The following ADGRV1 variants were observed in gnomAD, a reference collection of about 807,000 sequenced individuals.
The protein encoded by ADGRV1 is G-protein coupled receptor 98.
A neutral mutation model predicts 596.2 loss-of-function variants in ADGRV1; 359 were observed. The ratio of observed to expected loss-of-function variants is 0.60; its 90% CI spans 0.55 to 0.66. ADGRV1 has a LOEUF of 0.66. Ranked by LOEUF, ADGRV1 falls within the 30% of genes least tolerant of loss-of-function variation. ADGRV1 has a pLI of 0.00. For synonymous variants in ADGRV1, 2,681 were observed against 2,679.2 expected (o/e 1.00, Z -0.02); for missense variants, 7,274 against 7,575.6 (o/e 0.96, Z 1.48).
At chr5:90,817,582 A>C (rs1480773794) in intron 75 of ADGRV1, among the ~76,000 whole-genome samples, 2 of 151,798 alleles carry the variant, frequency 1.3e-5, no homozygotes. Flanking sequence ...TCTTGAATTG[A>C]TTTTTGTGTA....
intron 83 of ADGRV1, among the ~76,000 whole-genome samples, chr5:90,928,929 C>T (rs1270450051): frequency 1.4e-5 from 2 of 145,788 alleles, no homozygotes; most frequent in East Asian, 2.0e-4. Flanking sequence ...GGGGTGCCTC[C>T]CAGTTAGGCT....
chr5:90,728,425 CTT>C (rs969609028), intron 48 of ADGRV1, among the ~76,000 whole-genome samples: 1 of 152,196 alleles, frequency 6.6e-6, no homozygotes, highest in Non-Finnish European at 1.5e-5. Context: ...AATATCTTCT[CTT>C]TCATTCACTC....
At chr5:90,649,676 AC>A (rs1768308998) in intron 17 of ADGRV1, among the ~76,000 whole-genome samples, 1 of 152,052 alleles carries the variant, frequency 6.6e-6, no homozygotes, top group South Asian at 2.1e-4. Flanking sequence ...TTTAGTAGAG[AC>A]GGGGTTTCAT....
chr5:91,055,713 T>C (rs1308792081), intron 85 of ADGRV1, among the ~76,000 whole-genome samples: 1 of 152,168 alleles, frequency 6.6e-6, no homozygotes, highest in African/African-American at 2.4e-5. Flanking sequence ...ACCCAGACAG[T>C]GGTGAGTTTT....
At chr5:90,673,943 C>T (rs1267194707) in intron 22 of ADGRV1, 111 bp from the exon 23 acceptor site, 14 of 694,988 alleles carry the variant, frequency 2.0e-5, no homozygotes, top group Non-Finnish European at 2.9e-5. Context: ...AGAAATAAGT[C>T]GTAAGTGGTA....
rs1348296560 is a variant in ADGRV1, at chr5:90,711,211, T to G, written c.8931T>G (p.Ser2977Arg). Reference protein sequence around the residue: ...SRFEVNETHGSLTLVAQRSRE... With the variant: ...SRFEVNETHGRLTLVAQRSRE... ...TTGAAGTAAATGAAACCCATGGAAG[T>G]TTAACATTGGTAGCCCAGAGGAGCA... The change falls in exon 41 of 90, where the codon AGT becomes AGG. Residue 2977 changes from serine to arginine, a missense_variant. Ser to Arg is a moderately radical substitution (Grantham distance 110). Around this residue, in one of 5 missense-constraint regions of ADGRV1, gnomAD observed 3,643 missense variants for 3,809.2 expected, o/e 0.96. Coordinates refer to ENST00000405460, the MANE Select transcript of ADGRV1 (RefSeq NM_032119.4). 6.2e-7 allele frequency: 1 copy of G among 1,612,914 alleles called. No individual in the cohort carries two copies. The highest frequency in any genetic ancestry group is 8.5e-7 in the Non-Finnish European group (1 of 1,179,184).
intron 83 of ADGRV1, among the ~76,000 whole-genome samples, chr5:90,885,563 C>A (rs888019757): frequency 2.0e-5 from 3 of 152,046 alleles, no homozygotes. Context: ...GTTTATGGAT[C>A]AAATGGTTAT....
chr5:90,783,211 G>A lies in ADGRV1; in HGVS notation c.13319G>A (p.Ser4440Asn), dbSNP rs1759047381. 1.2e-6 allele frequency: 2 copies of A among 1,613,534 alleles called. No homozygotes were observed. Among genetic ancestry groups the A allele is most frequent in the African/African-American group, 1.3e-5 (1 of 74,900 alleles). The part of the protein sequence containing the change: ...GYVTADFISQ[S>N]SSASPGGVDY... ...GTGACAGCTGATTTCATCTCTCAGA[G>A]CTCCTCTGCCAGTCCCGGAGGTGTT... is the stretch of plus-strand genomic sequence containing the variant. Residue 4440 changes from serine to asparagine, a missense_variant, in exon 66 of 90, where the codon AGC becomes AAC. Coordinates refer to ENST00000405460, the MANE Select transcript of ADGRV1 (RefSeq NM_032119.4).
rs1314967115 is a variant in ADGRV1 at position 90,721,531 on chromosome 5, A to AAAATTAAAAT, written c.9748+475_9748+476insTTAAAATAAA. Among the ~76,000 whole-genome samples the AAAATTAAAAT allele has an allele frequency of 1.9e-3, 159 of 82,542 alleles. 12 individuals are homozygous for AAAATTAAAAT. The highest frequency in any genetic ancestry group is 3.4e-3 in the Non-Finnish European group (130 of 38,156). The allele number at this position is 82,542 out of a possible 152,430, so 54.2% of individuals were successfully genotyped here. A position where few individuals can be genotyped will look rare whatever the true frequency, so the allele number is the denominator to read the frequency against. On this transcript the variant is annotated intron_variant, in intron 45 of 89. Transcript: ENST00000405460. ...AAATAAAATAAAATAAAATAAAAAT[A>AAAATTAAAAT]AAAATAAAATAAAATAAAATAAAAT...
chr5:90,686,677 G>A (rs1244517000), intron 29 of ADGRV1, among the ~76,000 whole-genome samples: 2 of 152,148 alleles, frequency 1.3e-5, no homozygotes, highest in South Asian at 2.1e-4. Flanking sequence ...ATAAACATAC[G>A]TGTGCATGTG....
Position 91,164,296 on chromosome 5 carries a change from A to T in ADGRV1, c.*396A>T, listed in dbSNP as rs1312813829. ...AAGCTAACTCTATATGTAGATGATG[A>T]CAAGCACCCTGTGCCATCTTGCATG... On this transcript the variant is annotated 3_prime_UTR_variant, in exon 90 of 90. Transcript: ENST00000405460. 3.4e-6 allele frequency: 1 copy of T among 290,836 alleles called. No individual in the cohort carries two copies. The highest frequency in any genetic ancestry group is 2.2e-5 in the African/African-American group (1 of 45,536). 18.0% of individuals were successfully genotyped at this position (290,836 alleles called of 1,614,324 possible). A position where few individuals can be genotyped will look rare whatever the true frequency, so the allele number is the denominator to read the frequency against.
At chr5:90,618,294 T>C (rs1178081188) in intron 3 of ADGRV1, among the ~76,000 whole-genome samples, 1 of 152,128 alleles carries the variant, frequency 6.6e-6, no homozygotes, top group East Asian at 1.9e-4. Context: ...ACTTCTGAGA[T>C]CAAAGGACAA....
rs752404455 is a variant in ADGRV1, at chr5:90,791,292, G to A, written c.14463G>A (p.Leu4821=). ...PIVTENAERQ[L]VVKDGATYKV... ...TTACCGAAAATGCAGAGAGGCAGCT[G>A]GTGGTCAAAGATGGTGCCACATATA... The change falls in exon 70 of 90, where the codon CTG becomes CTA. Residue 4821 remains leucine (L), a synonymous_variant. Transcript: ENST00000405460. The A allele has an allele frequency of 2.5e-6, 4 of 1,598,840 alleles. No homozygotes were observed. The highest frequency in any genetic ancestry group is 1.3e-5 in the African/African-American group (1 of 74,700).
intron 87 of ADGRV1, among the ~76,000 whole-genome samples, chr5:91,127,710 A>T (rs1793887466): frequency 6.6e-6 from 1 of 152,220 alleles, no homozygotes; most frequent in Non-Finnish European, 1.5e-5. Flanking sequence ...CCAGGATAAG[A>T]AATTAGGAAG....
intron 85 of ADGRV1, among the ~76,000 whole-genome samples, chr5:91,005,853 T>A (rs889422424): frequency 3.9e-5 from 6 of 152,196 alleles, no homozygotes; most frequent in African/African-American, 1.4e-4. Context: ...CCCATTCCAA[T>A]GCTTTGCCTC....
intron 86 of ADGRV1, among the ~76,000 whole-genome samples, chr5:91,086,950 A>C (rs972082196): frequency 1.3e-5 from 2 of 152,214 alleles, no homozygotes; most frequent in Non-Finnish European, 2.9e-5. Flanking sequence ...ACCTAGTGCT[A>C]CAAACATCTC....
chr5:90,894,046 G>C (rs942583294), intron 83 of ADGRV1, among the ~76,000 whole-genome samples: 3 of 152,098 alleles, frequency 2.0e-5, no homozygotes, highest in African/African-American at 7.2e-5. Flanking sequence ...CCCTAATAAA[G>C]ACTCAAAATA....
intron 84 of ADGRV1, among the ~76,000 whole-genome samples, chr5:90,985,050 T>C (rs993900521): frequency 8.5e-5 from 13 of 152,156 alleles, no homozygotes; most frequent in African/African-American, 2.9e-4. Context: ...TACAAAACAG[T>C]CATAGAAGAT....
At chr5:91,014,374 A>T (rs1562091400) in intron 85 of ADGRV1, among the ~76,000 whole-genome samples, 1 of 152,036 alleles carries the variant, frequency 6.6e-6, no homozygotes, top group Non-Finnish European at 1.5e-5. Flanking sequence ...TGGTATCAGG[A>T]TGATGCTGGC....
Sources: gnomAD v4.1 joint callset for allele counts (sites outside exome capture counted in the v4.1 genomes callset) on GRCh38, gnomAD v4.1.1 for gene constraint, gnomAD v4.1.1 regional missense constraint, MANE v1.5 for transcripts, NCBI Gene and HGNC (gene_info 2026-07-23, HGNC 2026-07-21) for gene names.